Variants in BLTP1 observed in about 807,000 individuals in gnomAD.
BLTP1 encodes bridge-like lipid transfer protein family member 1.
At chr4:122,184,628 A>C in the BLTP1 span, 15 of 897,430 alleles carry the variant, frequency 1.7e-5, no homozygotes, top group Non-Finnish European at 1.9e-5. Flanking sequence ...CAACAGAGGG[A>C]GACTCCGTCT....
chr4:122,309,606 C>A, the BLTP1 span: 1 of 841,536 alleles, frequency 1.2e-6, no homozygotes, highest in Non-Finnish European at 1.8e-6. Flanking sequence ...TTACAGGTAA[C>A]AAACCATATT....
the BLTP1 span, chr4:122,301,386 T>C: frequency 1.3e-6 from 2 of 1,588,818 alleles, no homozygotes; most frequent in African/African-American, 2.7e-5. Flanking sequence ...TTCCCTAAAC[T>C]TGCAGTTCAA....
the BLTP1 span, chr4:122,167,780 T>C: frequency 1.0e-5 from 10 of 985,434 alleles, no homozygotes; most frequent in East Asian, 2.3e-4. Context: ...GACTTCTGTT[T>C]CTCTCTTCCC....
the BLTP1 span, chr4:122,182,964 G>A: frequency 1.9e-5 from 19 of 983,716 alleles, no homozygotes; most frequent in Non-Finnish European, 2.3e-5. Context: ...CTTCATACGT[G>A]TATTCTGGTG....
At chr4:122,173,126 T>C in the BLTP1 span, 1 of 1,611,846 alleles carries the variant, frequency 6.2e-7, no homozygotes, top group Non-Finnish European at 8.5e-7. Flanking sequence ...CTTAACAGAT[T>C]ATACAAGCAT....
the BLTP1 span, among the ~76,000 whole-genome samples, chr4:122,291,494 G>A: frequency 5.3e-5 from 8 of 152,112 alleles, no homozygotes; most frequent in East Asian, 1.9e-4. Context: ...ATCATGTTAC[G>A]TTTAGTGTTA....
At chr4:122,162,561 G>A in the BLTP1 span, 5 of 985,266 alleles carry the variant, frequency 5.1e-6, no homozygotes, top group Non-Finnish European at 6.0e-6. Flanking sequence ...AGATGGGGTG[G>A]AGTTGGGGGA....
chr4:122,348,621 A>G, the BLTP1 span: 1 of 1,611,608 alleles, frequency 6.2e-7, no homozygotes, highest in Non-Finnish European at 8.5e-7. Flanking sequence ...GCAGCAAGCC[A>G]ACAAGGGACC....
chr4:122,266,850 G>C, the BLTP1 span: 1 of 1,611,482 alleles, frequency 6.2e-7, no homozygotes, highest in Admixed American at 1.7e-5. Flanking sequence ...TTCTGCTACC[G>C]AATGTACTTT....
the BLTP1 span, chr4:122,208,357 C>G: frequency 1.0e-6 from 1 of 978,174 alleles, no homozygotes; most frequent in Non-Finnish European, 1.2e-6. Context: ...CTTTTAACCA[C>G]TCTACCTTGC....
the BLTP1 span, among the ~76,000 whole-genome samples, chr4:122,181,599 A>G: frequency 6.6e-6 from 1 of 151,926 alleles, no homozygotes; most frequent in African/African-American, 2.4e-5. Flanking sequence ...TAATGATTGT[A>G]TAAGCTGCTA....
At chr4:122,254,115 G>A in the BLTP1 span, 1 of 1,311,906 alleles carries the variant, frequency 7.6e-7, no homozygotes, top group Non-Finnish European at 1.1e-6. Flanking sequence ...AAAAGGTTTT[G>A]CACTTAAAAC....
the BLTP1 span, among the ~76,000 whole-genome samples, chr4:122,267,214 A>G: frequency 3.3e-5 from 5 of 151,566 alleles, no homozygotes; most frequent in East Asian, 1.9e-4. Flanking sequence ...GCCTGCCACC[A>G]TGCCTGGCTA....
the BLTP1 span, chr4:122,238,428 T>C: frequency 0.012 from 14,822 of 1,188,442 alleles, 293 homozygotes; most frequent in African/African-American, 0.08. Flanking sequence ...GAAAAACTTC[T>C]TCCCTCTCCA....
chr4:122,163,737 C>G, the BLTP1 span, among the ~76,000 whole-genome samples: 1 of 152,148 alleles, frequency 6.6e-6, no homozygotes, highest in East Asian at 1.9e-4. Flanking sequence ...GTATTTTGCC[C>G]ACAATCACAC....
chr4:122,180,161 G>A, the BLTP1 span: 1 of 985,098 alleles, frequency 1.0e-6, no homozygotes, highest in South Asian at 4.7e-5. Flanking sequence ...ATAGTAGAAA[G>A]AATATAGGAT....
chr4:122,255,053 C>A, the BLTP1 span: 2 of 1,506,562 alleles, frequency 1.3e-6, no homozygotes. Flanking sequence ...TTTACAAGTT[C>A]TTAATTACTG....
chr4:122,276,869 A>G, the BLTP1 span: 1 of 983,076 alleles, frequency 1.0e-6, no homozygotes, highest in Non-Finnish European at 1.2e-6. Context: ...CCTCTGATAG[A>G]GCTACTGTTG....
chr4:122,161,982 T>G, the BLTP1 span, among the ~76,000 whole-genome samples: 1 of 152,206 alleles, frequency 6.6e-6, no homozygotes, highest in Non-Finnish European at 1.5e-5. Flanking sequence ...GGGAGATACA[T>G]TTCTAAACCG....
Sources: gnomAD v4.1 joint callset for allele counts (sites outside exome capture counted in the v4.1 genomes callset) on GRCh38, gnomAD v4.1.1 for gene constraint, MANE v1.5 for transcripts, NCBI Gene and HGNC (gene_info 2026-07-23, HGNC 2026-07-21) for gene names.